GGTA1: variants seen among roughly 807,000 people sequenced by gnomAD.
The protein encoded by GGTA1 is inactive N-acetyllactosaminide alpha-1,3-galactosyltransferase.
GGTA1 carries 5 observed loss-of-function variants against 2.6 expected under a neutral mutation model. The ratio of observed to expected loss-of-function variants is 1.92; its 90% confidence interval spans 1.00 to 4.04. The LOEUF is 4.04. Among genes scored for constraint, GGTA1 ranks in the 30% most tolerant of loss-of-function variants. The pLI is 0.00. For synonymous variants in GGTA1, 17 were observed against 5.0 expected (o/e 3.38, Z -3.19); for missense variants, 50 against 16.7 (o/e 2.99, Z -3.47).
chr9:121,460,482 G>T (rs181243031), intron 4 of GGTA1, among the ~76,000 whole-genome samples: 4 of 152,160 alleles, frequency 2.6e-5, no homozygotes, highest in African/African-American at 9.7e-5. Flanking sequence ...TATTTCAGGG[G>T]GGGTGAGGGA....
At chr9:121,497,141 C>G (rs1829012273) in intron 1 of GGTA1, among the ~76,000 whole-genome samples, 1 of 151,900 alleles carries the variant, frequency 6.6e-6, no homozygotes, top group African/African-American at 2.4e-5. Flanking sequence ...TGCAGTGAGT[C>G]AAGATAGCAT....
At chr9:121,489,682 G>C (rs535553900) in intron 1 of GGTA1, among the ~76,000 whole-genome samples, 5 of 152,214 alleles carry the variant, frequency 3.3e-5, no homozygotes, top group Non-Finnish European at 7.3e-5. Flanking sequence ...CAAAGAACTG[G>C]TCATGAAACA....
At chr9:121,492,503 C>A (rs536694275) in intron 1 of GGTA1, among the ~76,000 whole-genome samples, 1 of 151,982 alleles carries the variant, frequency 6.6e-6, no homozygotes, top group African/African-American at 2.4e-5. Flanking sequence ...GACGGAGTTT[C>A]GCTCTTGTTA....
At chr9:121,493,748 C>CTTT (rs35465171) in intron 1 of GGTA1, among the ~76,000 whole-genome samples, 4 of 36,556 alleles carry the variant, frequency 1.1e-4, no homozygotes, top group Non-Finnish European at 2.2e-4. Context: ...GACTCACTCT[C>CTTT]TTTTTTTTTT....
At chr9:121,461,409 TA>T in intron 3 of GGTA1, 92 bp from the exon 4 acceptor site, 1 of 395,040 alleles carries the variant, frequency 2.5e-6, no homozygotes, top group Non-Finnish European at 4.9e-6. Flanking sequence ...GAGATTACTT[TA>T]AAAAAATAAA....
At chr9:121,463,067 A>T (rs907362050) in intron 3 of GGTA1, 5 of 283,590 alleles carry the variant, frequency 1.8e-5, no homozygotes, top group South Asian at 1.5e-4. Flanking sequence ...ACACTGCTTA[A>T]GAGAACTTTG....
intron 1 of GGTA1, among the ~76,000 whole-genome samples, chr9:121,493,303 C>T (rs1314318792): frequency 6.6e-6 from 1 of 152,120 alleles, no homozygotes; most frequent in African/African-American, 2.4e-5. Context: ...ACCTCGTGAA[C>T]TACCTCCATT....
At chr9:121,483,227 G>T (rs190374037) in intron 1 of GGTA1, among the ~76,000 whole-genome samples, 1 of 152,262 alleles carries the variant, frequency 6.6e-6, no homozygotes, top group East Asian at 1.9e-4. Flanking sequence ...CAGAGGCTCT[G>T]AGAGTCTCAG....
intron 1 of GGTA1, among the ~76,000 whole-genome samples, chr9:121,488,737 C>T (rs1828812947): frequency 6.6e-6 from 1 of 150,988 alleles, no homozygotes. Flanking sequence ...AAAAATTAGC[C>T]TCTGTCTCAA....
At chr9:121,467,498 G>C (rs1295881734) in intron 2 of GGTA1, among the ~76,000 whole-genome samples, 1 of 152,134 alleles carries the variant, frequency 6.6e-6, no homozygotes, top group African/African-American at 2.4e-5. Flanking sequence ...TGGAATTCCT[G>C]TCTGAAATTT....
chr9:121,469,635 T>G (rs920722014), intron 1 of GGTA1, among the ~76,000 whole-genome samples: 3 of 152,220 alleles, frequency 2.0e-5, no homozygotes, highest in Non-Finnish European at 2.9e-5. Context: ...ATACATGTTT[T>G]TTTCTTGGCT....
chr9:121,496,233 C>T (rs1287981513), intron 1 of GGTA1, among the ~76,000 whole-genome samples: 2 of 152,178 alleles, frequency 1.3e-5, no homozygotes, highest in Non-Finnish European at 2.9e-5. Flanking sequence ...CTTTTGGCCA[C>T]AAAAGTCTAT....
intron 1 of GGTA1, among the ~76,000 whole-genome samples, chr9:121,484,492 C>G (rs1199398756): frequency 6.6e-6 from 1 of 152,104 alleles, no homozygotes; most frequent in Non-Finnish European, 1.5e-5. Flanking sequence ...CCATGTTGGT[C>G]AGGCTGGTCT....
At chr9:121,481,639 G>A (rs1052544336) in intron 1 of GGTA1, among the ~76,000 whole-genome samples, 3 of 138,558 alleles carry the variant, frequency 2.2e-5, no homozygotes, top group Non-Finnish European at 3.0e-5. Context: ...CCAAGATTGC[G>A]CCACTGCTCT....
intron 1 of GGTA1, among the ~76,000 whole-genome samples, chr9:121,498,630 T>A (rs1829039594): frequency 6.6e-6 from 1 of 152,144 alleles, no homozygotes; most frequent in Non-Finnish European, 1.5e-5. Flanking sequence ...ACCCTACATC[T>A]CCTGCTTCCT....
intron 1 of GGTA1, among the ~76,000 whole-genome samples, chr9:121,471,129 C>G (rs1249899439): frequency 6.6e-6 from 1 of 152,216 alleles, no homozygotes; most frequent in African/African-American, 2.4e-5. Context: ...AGGAAGAAAA[C>G]CAAGACTGTG....
chr9:121,479,004 G>C, intron 1 of GGTA1: 1 of 445,960 alleles, frequency 2.2e-6, no homozygotes, highest in Non-Finnish European at 4.4e-6. Context: ...AAAACTCCAG[G>C]CTGCAGCTTG....
At chr9:121,464,755 G>T (rs952369259) in intron 2 of GGTA1, among the ~76,000 whole-genome samples, 2 of 152,134 alleles carry the variant, frequency 1.3e-5, no homozygotes, top group African/African-American at 2.4e-5. Flanking sequence ...AATTTTGAAG[G>T]CTTCCTCTAA....
intron 1 of GGTA1, among the ~76,000 whole-genome samples, chr9:121,477,419 C>G (rs1395860005): frequency 2.0e-5 from 3 of 152,170 alleles, no homozygotes; most frequent in East Asian, 1.9e-4. Context: ...TAATACTAAT[C>G]ATTTTTGTAT....
Sources: gnomAD v4.1 joint callset for allele counts (sites outside exome capture counted in the v4.1 genomes callset) on GRCh38, gnomAD v4.1.1 for gene constraint, MANE v1.5 for transcripts, NCBI Gene and HGNC (gene_info 2026-07-23, HGNC 2026-07-21) for gene names.